The following SLC38A11 variants were observed in gnomAD, a reference collection of about 807,000 sequenced individuals.
The protein encoded by SLC38A11 is putative sodium-coupled neutral amino acid transporter 11.
SLC38A11 carries 51 observed loss-of-function variants against 49.4 expected under a neutral mutation model. The observed-to-expected ratio is 1.03, with a 90% CI of 0.83 to 1.30. The LOEUF is 1.30. Among genes scored for constraint, SLC38A11 ranks in the 50% most tolerant of loss-of-function variants. The pLI is 0.00. For missense variants in SLC38A11, 574 were observed against 556.2 expected, an observed-to-expected ratio of 1.03 and a Z score of -0.32; for synonymous variants, 203 against 192.9, an observed-to-expected ratio of 1.05 and a Z score of -0.43.
At chr2:164,950,493 T>A (rs1688448592) in intron 3 of SLC38A11, among the ~76,000 whole-genome samples, 2 of 152,218 alleles carry the variant, frequency 1.3e-5, no homozygotes, top group South Asian at 4.1e-4. Context: ...ATATATTCCC[T>A]TAAAAGTTTT....
At chr2:164,917,975 C>T (rs1321015563) in intron 7 of SLC38A11, among the ~76,000 whole-genome samples, 1 of 151,372 alleles carries the variant, frequency 6.6e-6, no homozygotes, top group Non-Finnish European at 1.5e-5. Context: ...TAGGAAAATG[C>T]ATATGTCTAA....
At chr2:164,921,056 CT>C (rs908655355) in intron 7 of SLC38A11, among the ~76,000 whole-genome samples, 109 of 150,908 alleles carry the variant, frequency 7.2e-4, no homozygotes, top group African/African-American at 2.5e-3. Flanking sequence ...GAAACATAAA[CT>C]TAATTTTAAA....
Position 164,896,044 on chromosome 2 carries a change from TA to T in SLC38A11, c.*2392del, listed in dbSNP as rs1684371548. 6.6e-6 allele frequency: 1 copy of T among 152,086 alleles called. No individual in the cohort carries two copies. The allele number at this position is 152,086 out of a possible 1,614,324, so 9.4% of individuals were successfully genotyped here. On this transcript the variant is annotated 3_prime_UTR_variant, in exon 12 of 12. Coordinates refer to ENST00000685975, the MANE Select transcript of SLC38A11 (RefSeq NM_001351537.2). ...GTTTAAAACCTTCAAGTTGCTTTGT[TA>T]GGGGCAACAAGTGGCAGGGATGGAA...
intron 11 of SLC38A11, among the ~76,000 whole-genome samples, chr2:164,906,985 G>A (rs1158606184): frequency 6.6e-6 from 1 of 152,132 alleles, no homozygotes; most frequent in Non-Finnish European, 1.5e-5. Context: ...GATCCCATCT[G>A]TATGGGTTTG....
chr2:164,918,236 T>C (rs1334178717), intron 7 of SLC38A11, among the ~76,000 whole-genome samples: 3 of 152,260 alleles, frequency 2.0e-5, no homozygotes, highest in Admixed American at 1.3e-4. Flanking sequence ...TCAAGCAATT[T>C]ATAAGATAAG....
chr2:164,912,431 T>C (rs1685465587), intron 9 of SLC38A11: 1 of 152,124 alleles, frequency 6.6e-6, no homozygotes, highest in Non-Finnish European at 1.5e-5. Context: ...TGGTCTTTGT[T>C]TCTGGTGAGT....
intron 11 of SLC38A11, among the ~76,000 whole-genome samples, chr2:164,907,664 G>A (rs1313288202): frequency 6.6e-6 from 1 of 152,094 alleles, no homozygotes; most frequent in East Asian, 1.9e-4. Context: ...ATTCTATTGT[G>A]TGGCACATAG....
At chr2:164,914,246 T>TA (rs1273856411) in intron 9 of SLC38A11, among the ~76,000 whole-genome samples, 1 of 152,014 alleles carries the variant, frequency 6.6e-6, no homozygotes, top group Non-Finnish European at 1.5e-5. Context: ...ATAATAGACC[T>TA]GCAAGAGCTG....
chr2:164,936,253 A>G (rs1208333309), intron 7 of SLC38A11, among the ~76,000 whole-genome samples: 1 of 152,138 alleles, frequency 6.6e-6, no homozygotes, highest in African/African-American at 2.4e-5. Context: ...CTTAGACTGG[A>G]TATTTAACAG....
Position 164,939,473 on chromosome 2 carries a change from G to T in SLC38A11, c.514C>A (p.Arg172=). 6.2e-7 allele frequency: 1 copy of T among 1,606,154 alleles called. No individual in the cohort carries two copies. Among genetic ancestry groups the T allele is most frequent in the South Asian group, 1.1e-5 (1 of 90,044 alleles). The change falls in exon 6 of 12, where the codon CGA becomes AGA. Residue 172 remains arginine (R), a synonymous_variant. Coordinates refer to ENST00000685975, the MANE Select transcript of SLC38A11 (RefSeq NM_001351537.2). ...VTFTLPLSLY[R]NIAKLGKVSL... is the part of the protein sequence containing the mutation. Reference sequence around the variant, plus strand: ...ACCTTTCCAAGCTTTGCTATATTTCGGTACAAGGATAAAGGCAGAGTAAAG... The same window carrying T: ...ACCTTTCCAAGCTTTGCTATATTTCTGTACAAGGATAAAGGCAGAGTAAAG...
At position 164,955,208 on chromosome 2, in the gene SLC38A11, C is replaced by T; in HGVS notation, c.39+1G>A. 6 of 1,550,564 alleles carry T rather than the reference C, an allele frequency of 3.9e-6. No homozygotes were observed. The highest frequency in any genetic ancestry group is 5.2e-6 in the Non-Finnish European group (6 of 1,146,938). ...AGAACCTGCCTAGTCGCTAGTTTTA[C>T]CTGCGGCGGGATGACAGGCTCCTGC... On this transcript the variant is annotated splice_donor_variant, in intron 1 of 11. Transcript: ENST00000685975. LOFTEE classifies it high-confidence loss of function.
chr2:164,953,741 A>G (rs1345866531), intron 2 of SLC38A11, among the ~76,000 whole-genome samples: 2 of 152,226 alleles, frequency 1.3e-5, no homozygotes, highest in African/African-American at 4.8e-5. Flanking sequence ...AACTCAATCC[A>G]GATAAATGTT....
At position 164,955,487 on chromosome 2, in the gene SLC38A11, AT is replaced by A; in HGVS notation, c.-241del. 1 of 540,338 alleles carries A rather than the reference AT, an allele frequency of 1.9e-6. No homozygotes were observed. The highest frequency in any genetic ancestry group is 3.3e-6 in the Non-Finnish European group (1 of 303,390). The allele number at this position is 540,338 out of a possible 1,614,324, so 33.5% of individuals were successfully genotyped here. A position where few individuals can be genotyped will look rare whatever the true frequency, so the allele number is the denominator to read the frequency against. ...CACCGGAGTTCGCCCAGACAAATGT[AT>A]TTTTCCTCCGGAGACGGAGATGCTG... On this transcript the variant is annotated 5_prime_UTR_variant, in exon 1 of 12. Coordinates refer to ENST00000685975, the MANE Select transcript of SLC38A11 (RefSeq NM_001351537.2).
At chr2:164,952,162 G>T (rs898088024) in intron 3 of SLC38A11, among the ~76,000 whole-genome samples, 6 of 152,200 alleles carry the variant, frequency 3.9e-5, no homozygotes, top group Non-Finnish European at 7.3e-5. Context: ...CTATTTACAT[G>T]AAGAAGGGGA....
At chr2:164,934,595 A>C (rs986667514) in intron 7 of SLC38A11, among the ~76,000 whole-genome samples, 9 of 152,124 alleles carry the variant, frequency 5.9e-5, no homozygotes, top group African/African-American at 2.2e-4. Flanking sequence ...CCGTGGTGCA[A>C]CTGAGGATTA....
At chr2:164,922,635 AT>A (rs1278734639) in intron 7 of SLC38A11, among the ~76,000 whole-genome samples, 1 of 152,224 alleles carries the variant, frequency 6.6e-6, no homozygotes, top group Non-Finnish European at 1.5e-5. Context: ...GGAAGAATCA[AT>A]ATCATTAAAA....
intron 7 of SLC38A11, among the ~76,000 whole-genome samples, chr2:164,916,947 G>A (rs1685837130): frequency 6.6e-6 from 1 of 150,434 alleles, no homozygotes; most frequent in Admixed American, 6.6e-5. Flanking sequence ...TTATAAACTG[G>A]GGATAATTGT....
At chr2:164,935,255 CCT>C (rs34575224) in intron 7 of SLC38A11, among the ~76,000 whole-genome samples, 10,446 of 151,420 alleles carry the variant, frequency 0.069, 398 homozygotes, top group Admixed American at 0.1. Context: ...CTAATTCAGG[CCT>C]CTCTCTGCTT....
At chr2:164,928,608 G>A (rs1002177024) in intron 7 of SLC38A11, among the ~76,000 whole-genome samples, 2 of 152,220 alleles carry the variant, frequency 1.3e-5, no homozygotes, top group Admixed American at 1.3e-4. Flanking sequence ...ACACACAGAA[G>A]ATAACTAAAG....
Sources: gnomAD v4.1 joint callset for allele counts (sites outside exome capture counted in the v4.1 genomes callset) on GRCh38, gnomAD v4.1.1 for gene constraint, MANE v1.5 for transcripts, NCBI Gene and HGNC (gene_info 2026-07-23, HGNC 2026-07-21) for gene names.